CNTN5: variants seen among roughly 807,000 people sequenced by gnomAD.
The protein encoded by CNTN5 is contactin-5.
Under a neutral mutation model 129.1 loss-of-function variants are expected in CNTN5, and 77 were observed. The ratio of observed to expected loss-of-function variants is 0.60; its 90% CI spans 0.50 to 0.72. The LOEUF is 0.72. CNTN5 is among the 30% of genes least tolerant of loss of function. The probability of loss-of-function intolerance (pLI) is 0.00; values close to 1 mark genes in which losing one functional copy is unlikely to be tolerated. For missense variants in CNTN5, 1,478 were observed against 1,328.8 expected (o/e 1.11, Z -1.75); for synonymous variants, 509 against 465.6 (o/e 1.09, Z -1.20).
At chr11:99,338,035 A>T (rs935885874) in intron 2 of CNTN5, among the ~76,000 whole-genome samples, 31 of 152,182 alleles carry the variant, frequency 2.0e-4, no homozygotes, top group Non-Finnish European at 4.4e-4. Flanking sequence ...ATTTGTAAAA[A>T]TTAAATTGCT....
intron 8 of CNTN5, among the ~76,000 whole-genome samples, chr11:99,964,121 A>G (rs543925944): frequency 1.5e-4 from 23 of 152,114 alleles, no homozygotes; most frequent in African/African-American, 5.3e-4. Flanking sequence ...CAATTTGACA[A>G]TTCCTCTTTT....
intron 2 of CNTN5, among the ~76,000 whole-genome samples, chr11:99,507,353 G>A (rs1946663602): frequency 8.0e-6 from 1 of 124,704 alleles, no homozygotes; most frequent in African/African-American, 3.1e-5. Context: ...CTCCAGCCTG[G>A]CAACAAAAGG....
At chr11:99,654,176 T>C (rs1000994797) in intron 3 of CNTN5, among the ~76,000 whole-genome samples, 8 of 152,150 alleles carry the variant, frequency 5.3e-5, no homozygotes, top group African/African-American at 1.9e-4. Context: ...CAAACAGCAC[T>C]GCCTGAACAT....
At chr11:99,050,884 A>C (rs1287139838) in intron 1 of CNTN5, among the ~76,000 whole-genome samples, 1 of 151,934 alleles carries the variant, frequency 6.6e-6, no homozygotes, top group Admixed American at 6.6e-5. Context: ...AATTCAGCTC[A>C]GTCTATAACA....
In CNTN5 at chr11:99,034,217, G is replaced by A. The variant is rs1314573568; in HGVS notation, c.-210+12947G>A. On this transcript the variant is annotated intron_variant, in intron 1 of 24. Coordinates refer to ENST00000524871, the MANE Select transcript of CNTN5 (RefSeq NM_014361.4). ...TGCATCAATGTTCATCAAGGATATTGGTCTAAAACTCTCTTTTTTGTTTGC... is the reference window on the plus strand; with the variant it reads ...TGCATCAATGTTCATCAAGGATATTAGTCTAAAACTCTCTTTTTTGTTTGC... 4.6e-5 allele frequency among the ~76,000 whole-genome samples: 7 copies of A among 152,258 alleles called. No individual in the cohort carries two copies. In the South Asian group the frequency reaches 1.0e-3, roughly 23 times the overall value.
At chr11:99,713,647 G>A (rs981934853) in intron 3 of CNTN5, among the ~76,000 whole-genome samples, 3 of 151,902 alleles carry the variant, frequency 2.0e-5, no homozygotes, top group Non-Finnish European at 4.4e-5. Flanking sequence ...AACCCAATGT[G>A]CTGTTAACTA....
In CNTN5 at chr11:100,071,783, G is replaced by T. The variant is rs1943932638; in HGVS notation, c.1378G>T (p.Ala460Ser). ...AGATGCTGGAATGTATCAGTGTTTGGCTGAAAATAAGTATGGAGCCATTTA... is the reference window on the plus strand; with the variant it reads ...AGATGCTGGAATGTATCAGTGTTTGTCTGAAAATAAGTATGGAGCCATTTA... ...QSDAGMYQCLAENKYGAIYAS... is the reference protein window; with the variant it reads ...QSDAGMYQCLSENKYGAIYAS... Residue 460 changes from alanine to serine, a missense_variant, in exon 12 of 25, where the codon GCT becomes TCT. Physicochemically the swap from Ala to Ser is moderately conservative, Grantham distance 99. Transcript: ENST00000524871. 2 of 1,606,696 alleles carry T rather than the reference G, an allele frequency of 1.2e-6. No individual in the cohort carries two copies. Among genetic ancestry groups the T allele is most frequent in the African/African-American group, 2.7e-5 (2 of 74,674 alleles).
chr11:99,560,108 A>G (rs1203360046), intron 3 of CNTN5, among the ~76,000 whole-genome samples: 2 of 152,088 alleles, frequency 1.3e-5, no homozygotes, highest in Non-Finnish European at 2.9e-5. Flanking sequence ...ACTACTTTGT[A>G]TGATACTATA....
chr11:99,620,965 T>C (rs1950930244), intron 3 of CNTN5, among the ~76,000 whole-genome samples: 1 of 139,096 alleles, frequency 7.2e-6, no homozygotes, highest in African/African-American at 2.6e-5. Context: ...ATTCAATGGA[T>C]ACTTGTATGC....
intron 3 of CNTN5, among the ~76,000 whole-genome samples, chr11:99,670,259 G>T (rs1193550234): frequency 6.6e-6 from 1 of 152,094 alleles, no homozygotes; most frequent in East Asian, 1.9e-4. Flanking sequence ...CATAACTGAG[G>T]TTGCTACAAC....
chr11:99,151,029 A>G (rs547435680), intron 1 of CNTN5, among the ~76,000 whole-genome samples: 7 of 152,244 alleles, frequency 4.6e-5, no homozygotes, highest in East Asian at 1.9e-4. Flanking sequence ...AAGGATGGAT[A>G]TTTTTCCCTC....
intron 3 of CNTN5, among the ~76,000 whole-genome samples, chr11:99,813,584 T>C (rs968503968): frequency 1.3e-5 from 2 of 152,080 alleles, no homozygotes; most frequent in African/African-American, 4.8e-5. Flanking sequence ...TTCAAGTAAC[T>C]GAGACTAAAG....
intron 1 of CNTN5, among the ~76,000 whole-genome samples, chr11:99,221,471 T>C (rs771974571): frequency 6.6e-6 from 1 of 151,924 alleles, no homozygotes; most frequent in Non-Finnish European, 1.5e-5. Context: ...GTTACAGTTA[T>C]CTGAACCTGG....
intron 9 of CNTN5, among the ~76,000 whole-genome samples, chr11:100,033,084 A>C: frequency 6.6e-6 from 1 of 152,110 alleles, no homozygotes; most frequent in East Asian, 1.9e-4. Context: ...TGTAAGAAAG[A>C]CTCTTTTTCT....
chr11:99,654,986 G>C (rs1464298047), intron 3 of CNTN5, among the ~76,000 whole-genome samples: 2 of 152,044 alleles, frequency 1.3e-5, no homozygotes, highest in Non-Finnish European at 2.9e-5. Flanking sequence ...GTTTATAAGG[G>C]TTTTGGAATG....
chr11:99,516,054 A>G (rs962808205), intron 2 of CNTN5, among the ~76,000 whole-genome samples: 1 of 151,936 alleles, frequency 6.6e-6, no homozygotes, highest in African/African-American at 2.4e-5. Flanking sequence ...AGTGGTTCAC[A>G]TATGATTATG....
intron 10 of CNTN5, among the ~76,000 whole-genome samples, chr11:100,066,253 A>G (rs1943691413): frequency 6.6e-6 from 1 of 152,140 alleles, no homozygotes. Context: ...GCATGGTAGC[A>G]CTAGAATTTG....
At chr11:99,638,830 G>T (rs117252887) in intron 3 of CNTN5, among the ~76,000 whole-genome samples, 5 of 152,238 alleles carry the variant, frequency 3.3e-5, no homozygotes, top group African/African-American at 7.2e-5. Flanking sequence ...CACGGGCTGC[G>T]TTTGAGTGTC....
At chr11:99,717,843 G>A (rs756609232) in intron 3 of CNTN5, among the ~76,000 whole-genome samples, 4 of 152,028 alleles carry the variant, frequency 2.6e-5, no homozygotes, top group African/African-American at 4.8e-5. Context: ...AAAATATTCA[G>A]AATGATACAC....
Sources: gnomAD v4.1 joint callset for allele counts (sites outside exome capture counted in the v4.1 genomes callset) on GRCh38, gnomAD v4.1.1 for gene constraint, MANE v1.5 for transcripts, NCBI Gene and HGNC (gene_info 2026-07-23, HGNC 2026-07-21) for gene names.